Variants in P3H2 observed in about 807,000 individuals in gnomAD.
P3H2 encodes the protein prolyl 3-hydroxylase 2, also known as leprecan-like 1.
Under a neutral mutation model 87.0 loss-of-function variants are expected in P3H2, and 80 were observed. The observed-to-expected ratio is 0.92, with a 90% CI of 0.77 to 1.11. The LOEUF (loss-of-function observed/expected upper bound fraction) is 1.11. Ranked by LOEUF, P3H2 falls within the 50% of genes least tolerant of loss-of-function variation. P3H2 has a pLI of 0.00. For synonymous variants in P3H2, 367 were observed against 359.3 expected, an observed-to-expected ratio of 1.02 and a Z score of -0.24; for missense variants, 1,001 against 923.9, an observed-to-expected ratio of 1.08 and a Z score of -1.08.
intron 1 of P3H2, among the ~76,000 whole-genome samples, chr3:190,061,993 A>C (rs1031960764): frequency 6.6e-6 from 1 of 152,138 alleles, no homozygotes; most frequent in Non-Finnish European, 1.5e-5. Context: ...AATACATGGT[A>C]GTTGGATTTT....
chr3:189,957,441 TTGTG>T lies in P3H2; in HGVS notation c.*467_*470del, dbSNP rs3062107. On this transcript the variant is annotated 3_prime_UTR_variant, in exon 15 of 15. Transcript: ENST00000319332. ...AGCTTTTGAATTTGCAGCAACTTAA[TTGTG>T]TGTGTGTGTGTGTGTGTGTGTGTGT... The T allele has an allele frequency of 0.087, 22,494 of 257,342 alleles. 1,697 individuals carry two copies. Among genetic ancestry groups the T allele is most frequent in the African/African-American group, 0.26 (11,061 of 42,450 alleles). The allele number at this position is 257,342 out of a possible 1,614,324, so 15.9% of individuals were successfully genotyped here.
intron 1 of P3H2, among the ~76,000 whole-genome samples, chr3:190,007,861 CTG>C (rs1724435768): frequency 6.7e-6 from 1 of 148,516 alleles, no homozygotes; most frequent in African/African-American, 2.5e-5. Flanking sequence ...AAATGGGACA[CTG>C]TATTTCACAT....
chr3:190,063,793 T>C (rs1022994953), intron 1 of P3H2, among the ~76,000 whole-genome samples: 2 of 152,068 alleles, frequency 1.3e-5, no homozygotes, highest in African/African-American at 4.8e-5. Flanking sequence ...CCCCAGGATA[T>C]GCAGAAAAAG....
At chr3:189,983,713 G>T (rs145530690) in intron 7 of P3H2, among the ~76,000 whole-genome samples, 127 of 152,254 alleles carry the variant, frequency 8.3e-4, no homozygotes, top group African/African-American at 3.0e-3. Flanking sequence ...GAAGCCTCGT[G>T]AAAGACTTCA....
intron 1 of P3H2, among the ~76,000 whole-genome samples, chr3:190,083,432 T>C (rs1480636396): frequency 7.2e-5 from 11 of 152,182 alleles, no homozygotes; most frequent in Admixed American, 7.2e-4. Flanking sequence ...ACAGCCTATA[T>C]AAATTTCCTA....
At chr3:190,023,613 C>T (rs989102978) in intron 1 of P3H2, among the ~76,000 whole-genome samples, 1 of 152,160 alleles carries the variant, frequency 6.6e-6, no homozygotes, top group African/African-American at 2.4e-5. Context: ...CTGGTCTCTC[C>T]CTTGACATGG....
At chr3:190,012,714 C>G (rs1724632438) in intron 1 of P3H2, among the ~76,000 whole-genome samples, 1 of 152,156 alleles carries the variant, frequency 6.6e-6, no homozygotes, top group South Asian at 2.1e-4. Context: ...TGATCCCATC[C>G]ACTTCTGGAC....
intron 1 of P3H2, among the ~76,000 whole-genome samples, chr3:190,054,785 C>T (rs1413965737): frequency 6.6e-6 from 1 of 152,192 alleles, no homozygotes; most frequent in Non-Finnish European, 1.5e-5. Flanking sequence ...CCTCACCTCA[C>T]TTCATTCAGT....
Position 190,005,862 on chromosome 3 carries a change from C to A in P3H2, c.481-10420G>T, listed in dbSNP as rs548765304. Among the ~76,000 whole-genome samples, 5 of 152,318 alleles carry A rather than the reference C, an allele frequency of 3.3e-5. No homozygotes were observed. The South Asian group carries it at 1.0e-3, about 32-fold the overall frequency. ...CACCCATCAAGCTCACTAATGGGTA[C>A]TCCTAACCTGACAGGCCACATGCTC... On this transcript the variant is annotated intron_variant, in intron 1 of 14. Transcript: ENST00000319332.
At chr3:190,041,873 A>C (rs1316494444) in intron 1 of P3H2, among the ~76,000 whole-genome samples, 1 of 152,278 alleles carries the variant, frequency 6.6e-6, no homozygotes, top group Non-Finnish European at 1.5e-5. Context: ...TAACATACAA[A>C]AAAGCATATG....
chr3:190,021,831 C>T (rs1242406356), intron 1 of P3H2, among the ~76,000 whole-genome samples: 1 of 135,100 alleles, frequency 7.4e-6, no homozygotes, highest in Non-Finnish European at 1.7e-5. Flanking sequence ...TGAGGATCTA[C>T]TCCAGTGGTA....
chr3:190,015,355 A>G (rs1037774829), intron 1 of P3H2, among the ~76,000 whole-genome samples: 1 of 152,192 alleles, frequency 6.6e-6, no homozygotes, highest in African/African-American at 2.4e-5. Flanking sequence ...AAATAGTATA[A>G]TCTGCTTAAT....
In P3H2 at chr3:190,120,481, C is replaced by A. The variant is rs1577334623; in HGVS notation, c.251G>T (p.Cys84Phe). 6.9e-7 allele frequency: 1 copy of A among 1,440,742 alleles called. No individual in the cohort carries two copies. Among genetic ancestry groups the A allele is most frequent in the East Asian group, 3.0e-5 (1 of 33,802 alleles). The allele number at this position is 1,440,742 out of a possible 1,614,324, so 89.2% of individuals were successfully genotyped here. ...HRRLREIRTRCARHCAARHPL... is the reference protein window; with the variant it reads ...HRRLREIRTRFARHCAARHPL... ...GTGGCGCGCCGCGCAGTGGCGGGCA[C>A]AGCGCGTGCGGATTTCCCGCAGGCG... Residue 84 changes from cysteine to phenylalanine, a missense_variant, in exon 1 of 15, where the codon TGT becomes TTT. Transcript: ENST00000319332.
At chr3:190,092,060 C>G (rs1168374029) in intron 1 of P3H2, among the ~76,000 whole-genome samples, 1 of 152,006 alleles carries the variant, frequency 6.6e-6, no homozygotes, top group Non-Finnish European at 1.5e-5. Context: ...TGGTGAAACC[C>G]CGTCTCCACT....
At chr3:190,096,752 TG>T (rs1295695926) in intron 1 of P3H2, among the ~76,000 whole-genome samples, 1 of 152,172 alleles carries the variant, frequency 6.6e-6, no homozygotes, top group African/African-American at 2.4e-5. Flanking sequence ...ACACCCAACT[TG>T]GCCAAAAGGT....
intron 1 of P3H2, among the ~76,000 whole-genome samples, chr3:190,031,112 C>T (rs146477236): frequency 1.3e-4 from 20 of 152,062 alleles, no homozygotes; most frequent in African/African-American, 4.8e-4. Flanking sequence ...ATAAAATAAA[C>T]TAAAAATGAA....
chr3:190,090,173 T>C (rs1727362490), intron 1 of P3H2, among the ~76,000 whole-genome samples: 1 of 152,190 alleles, frequency 6.6e-6, no homozygotes, highest in African/African-American at 2.4e-5. Context: ...CTTAACTAAA[T>C]AAACATGGCT....
At chr3:190,074,392 T>C (rs1726801479) in intron 1 of P3H2, among the ~76,000 whole-genome samples, 1 of 152,096 alleles carries the variant, frequency 6.6e-6, no homozygotes, top group African/African-American at 2.4e-5. Flanking sequence ...GCACCTGTAA[T>C]CCAAGCTACT....
rs1179033569 is a variant in P3H2, at chr3:189,983,147, A to G, written c.1230-7T>C. 2.5e-6 allele frequency: 4 copies of G among 1,609,498 alleles called. No homozygotes were observed. The highest frequency in any genetic ancestry group is 1.1e-5 in the South Asian group (1 of 90,900). On this transcript the variant is annotated splice_region_variant and splice_polypyrimidine_tract_variant and intron_variant, in intron 7 of 14. Coordinates refer to ENST00000319332, the MANE Select transcript of P3H2 (RefSeq NM_018192.4). Reference sequence around the variant, plus strand: ...GTTCACTCCTGAAGGGACCCTGCCCATTCAAAAAATTTAAAATGGCAATTT... The same window carrying G: ...GTTCACTCCTGAAGGGACCCTGCCCGTTCAAAAAATTTAAAATGGCAATTT...
Sources: allele counts gnomAD v4.1 joint callset (sites outside exome capture counted in the v4.1 genomes callset), GRCh38; gene constraint gnomAD v4.1.1; transcripts MANE v1.5; gene names NCBI Gene and HGNC (gene_info 2026-07-23, HGNC 2026-07-21).